Variants in CTNND2 observed in about 807,000 individuals in gnomAD.
The protein encoded by CTNND2 is catenin delta 2.
Under a neutral mutation model 144.4 loss-of-function variants are expected in CTNND2, and 22 were observed. That is an observed-to-expected ratio of 0.15 (90% CI 0.11 to 0.22). The LOEUF (loss-of-function observed/expected upper bound fraction) is 0.22. CTNND2 is among the 10% of genes least tolerant of loss of function. The pLI, the probability that CTNND2 is intolerant of heterozygous loss-of-function variation, is 1.00. For missense variants in CTNND2, 1,353 were observed against 1,618.8 expected (o/e 0.84, Z 2.82); for synonymous variants, 751 against 695.6 (o/e 1.08, Z -1.25).
rs1405918449 is a variant in CTNND2, at chr5:10,972,375, C to G, written c.*1078G>C. 1 of 152,200 alleles carries G rather than the reference C, an allele frequency of 6.6e-6. No homozygotes were observed. Among genetic ancestry groups the G allele is most frequent in the Non-Finnish European group, 1.5e-5 (1 of 68,022 alleles). The allele number at this position is 152,200 out of a possible 1,614,324, so 9.4% of individuals were successfully genotyped here. On this transcript the variant is annotated 3_prime_UTR_variant, in exon 22 of 22. Transcript: ENST00000304623. Reference sequence around the variant, plus strand: ...AAAAACAAAGTTTGTACAAGATGAACAGCAAATGAAATAGCTTCTGTCAAA... The same window carrying G: ...AAAAACAAAGTTTGTACAAGATGAAGAGCAAATGAAATAGCTTCTGTCAAA...
At chr5:11,757,624 A>G (rs1353584642) in intron 1 of CTNND2, among the ~76,000 whole-genome samples, 1 of 151,968 alleles carries the variant, frequency 6.6e-6, no homozygotes, top group Non-Finnish European at 1.5e-5. Flanking sequence ...CAGAGATATG[A>G]GTCGTCATTT....
intron 1 of CTNND2, among the ~76,000 whole-genome samples, chr5:11,755,574 C>T (rs1204605642): frequency 6.6e-6 from 1 of 151,470 alleles, no homozygotes; most frequent in Non-Finnish European, 1.5e-5. Context: ...CTTTCAGGGA[C>T]ACCGATGAGT....
intron 5 of CTNND2, among the ~76,000 whole-genome samples, chr5:11,400,392 G>A (rs978187098): frequency 6.6e-6 from 1 of 152,122 alleles, no homozygotes. Flanking sequence ...CAGAAGCCAT[G>A]GTCTCATTTG....
chr5:11,814,873 G>A (rs1792541541), intron 1 of CTNND2, among the ~76,000 whole-genome samples: 2 of 152,194 alleles, frequency 1.3e-5, no homozygotes, highest in African/African-American at 4.8e-5. Context: ...CAAGAGAACT[G>A]AGTTGATATT....
chr5:11,609,979 A>G (rs1780236329), intron 2 of CTNND2, among the ~76,000 whole-genome samples: 2 of 152,342 alleles, frequency 1.3e-5, no homozygotes, highest in African/African-American at 4.8e-5. Context: ...GGAGAAATTT[A>G]GTCTTGATTT....
chr5:11,476,556 C>A (rs1193747793), intron 3 of CTNND2, among the ~76,000 whole-genome samples: 3 of 152,138 alleles, frequency 2.0e-5, no homozygotes, highest in Non-Finnish European at 4.4e-5. Flanking sequence ...CATACACTCA[C>A]ACGCCTAACA....
intron 2 of CTNND2, among the ~76,000 whole-genome samples, chr5:11,690,722 G>A (rs1313247464): frequency 8.7e-6 from 1 of 115,324 alleles, no homozygotes; most frequent in Non-Finnish European, 1.6e-5. Context: ...TGGCCTGGGC[G>A]ACAGAGCGAG....
chr5:11,028,989 G>A lies in CTNND2; in HGVS notation c.2789-6010C>T, dbSNP rs143869973. On this transcript the variant is annotated intron_variant, in intron 16 of 21. Coordinates refer to ENST00000304623, the MANE Select transcript of CTNND2 (RefSeq NM_001332.4). Reference sequence around the variant, plus strand: ...CTTCCAAAGTGCTGGCAGTACAGGCGTGAGCCACTGCACCCAGACAGAACT... The same window carrying A: ...CTTCCAAAGTGCTGGCAGTACAGGCATGAGCCACTGCACCCAGACAGAACT... Among the ~76,000 whole-genome samples, 631 of 152,302 alleles carry A rather than the reference G, an allele frequency of 4.1e-3. 1 individual carries two copies. Among genetic ancestry groups the A allele is most frequent in the East Asian group, 8.9e-3 (46 of 5,176 alleles).
intron 3 of CTNND2, among the ~76,000 whole-genome samples, chr5:11,439,511 A>G (rs1171563375): frequency 6.6e-6 from 1 of 152,202 alleles, no homozygotes; most frequent in Non-Finnish European, 1.5e-5. Flanking sequence ...TTGGAGTTAT[A>G]GTCGGAGTTA....
chr5:11,399,008 G>A (rs1340819794), intron 5 of CTNND2, among the ~76,000 whole-genome samples: 1 of 152,202 alleles, frequency 6.6e-6, no homozygotes, highest in Non-Finnish European at 1.5e-5. Context: ...GGAGAAGGAG[G>A]TGGGCACTGG....
chr5:11,378,706 T>G (rs983987253), intron 7 of CTNND2, among the ~76,000 whole-genome samples: 2 of 152,184 alleles, frequency 1.3e-5, no homozygotes, highest in Non-Finnish European at 2.9e-5. Flanking sequence ...ACAAACTCGT[T>G]CATTACCCCA....
chr5:11,333,580 A>G (rs1580935835), intron 9 of CTNND2, among the ~76,000 whole-genome samples: 1 of 152,342 alleles, frequency 6.6e-6, no homozygotes, highest in East Asian at 1.9e-4. Context: ...ATCAGACATA[A>G]CAAATCATCA....
chr5:11,245,776 C>A (rs1041848066), intron 9 of CTNND2, among the ~76,000 whole-genome samples: 2 of 152,128 alleles, frequency 1.3e-5, no homozygotes, highest in African/African-American at 2.4e-5. Flanking sequence ...CAGGACACGG[C>A]CCTTTTAAGC....
At chr5:11,773,372 A>T (rs143835899) in intron 1 of CTNND2, among the ~76,000 whole-genome samples, 1 of 152,246 alleles carries the variant, frequency 6.6e-6, no homozygotes, top group Non-Finnish European at 1.5e-5. Flanking sequence ...TAATTATTTA[A>T]TAAGTACAAT....
chr5:11,285,120 T>A (rs1747593612), intron 9 of CTNND2, among the ~76,000 whole-genome samples: 1 of 152,194 alleles, frequency 6.6e-6, no homozygotes, highest in Non-Finnish European at 1.5e-5. Flanking sequence ...TAATGTCTGA[T>A]CAAGTTCCTC....
intron 1 of CTNND2, among the ~76,000 whole-genome samples, chr5:11,861,662 T>G (rs1409951712): frequency 1.3e-5 from 2 of 152,182 alleles, no homozygotes; most frequent in East Asian, 3.9e-4. Flanking sequence ...TTGCAAAACA[T>G]GAACTCGATC....
At chr5:11,231,860 G>A (rs1195056097) in intron 10 of CTNND2, among the ~76,000 whole-genome samples, 1 of 152,244 alleles carries the variant, frequency 6.6e-6, no homozygotes, top group African/African-American at 2.4e-5. Context: ...AGGCCTGTGG[G>A]AGGGAAAAAT....
At chr5:11,760,710 A>G (rs1561772063) in intron 1 of CTNND2, among the ~76,000 whole-genome samples, 1 of 152,180 alleles carries the variant, frequency 6.6e-6, no homozygotes, top group Non-Finnish European at 1.5e-5. Context: ...GAGCAGACTC[A>G]TATTTAAATA....
rs201592057 is a variant in CTNND2, at chr5:11,829,423, G to A, written c.37+74394C>T. Among the ~76,000 whole-genome samples, 36 of 152,286 alleles carry A rather than the reference G, an allele frequency of 2.4e-4. No individual in the cohort carries two copies. In the East Asian group the frequency reaches 6.4e-3, roughly 27 times the overall value. On this transcript the variant is annotated intron_variant, in intron 1 of 21. Transcript: ENST00000304623. ...GGGCCAGGCCCAGGGTCCCTATGCTGTGTACAGCCTAGGGACTTGGTGCCC... is the reference window on the plus strand; with the variant it reads ...GGGCCAGGCCCAGGGTCCCTATGCTATGTACAGCCTAGGGACTTGGTGCCC...
Sources: allele counts gnomAD v4.1 joint callset (sites outside exome capture counted in the v4.1 genomes callset), GRCh38; gene constraint gnomAD v4.1.1; transcripts MANE v1.5; gene names NCBI Gene and HGNC (gene_info 2026-07-23, HGNC 2026-07-21).